Variants in BBOF1 observed in about 807,000 individuals in gnomAD.
The protein encoded by BBOF1 is basal body-orientation factor 1.
A neutral mutation model predicts 68.0 loss-of-function variants in BBOF1; 62 were observed. That is an observed-to-expected ratio of 0.91 (90% CI 0.74 to 1.13). BBOF1 has a LOEUF of 1.13. BBOF1 is among the 50% of genes most tolerant of loss of function. The pLI is 0.00. For missense variants in BBOF1, 534 were observed against 600.1 expected, an observed-to-expected ratio of 0.89 and a Z score of 1.15; for synonymous variants, 208 against 198.8, an observed-to-expected ratio of 1.05 and a Z score of -0.39.
rs71460945 is a variant in BBOF1 at position 74,035,584 on chromosome 14, A to ATTTTTTTTT, written c.495+1433_495+1441dup. 1.1e-3 allele frequency among the ~76,000 whole-genome samples: 93 copies of ATTTTTTTTT among 81,392 alleles called. 6 individuals carry two copies. Among genetic ancestry groups the ATTTTTTTTT allele is most frequent in the African/African-American group, 5.3e-3 (83 of 15,658 alleles). The allele number at this position is 81,392 out of a possible 152,430, so 53.4% of individuals were successfully genotyped here. ...AGGCGTGCACCACCACCCCCAGCTA[A>ATTTTTTTTT]TTTTTTTTTTTTTTTTTTTTTTTTT... is the stretch of plus-strand genomic sequence containing the variant. On this transcript the variant is annotated intron_variant, in intron 4 of 11. Transcript: ENST00000394009.
At chr14:74,057,892 T>A in intron 11 of BBOF1, 2 of 999,156 alleles carry the variant, frequency 2.0e-6, no homozygotes, top group Non-Finnish European at 2.4e-6. Context: ...ACAGTTCTGA[T>A]TAGTGTGTTT....
At chr14:74,067,129 A>C (rs1352658218), downstream of BBOF1, among the ~76,000 whole-genome samples, 1 of 152,138 alleles carries the variant, frequency 6.6e-6, no homozygotes, top group Non-Finnish European at 1.5e-5. Flanking sequence ...CAGGAGGATC[A>C]CTTGAGCCCA....
Position 74,066,053 on chromosome 14 carries a change from A to G in BBOF1, c.*1354A>G, listed in dbSNP as rs1045477023. 1 of 154,968 alleles carries G rather than the reference A, an allele frequency of 6.5e-6. No homozygotes were observed. The highest frequency in any genetic ancestry group is 6.3e-5 in the Admixed American group (1 of 15,790). 9.6% of individuals were successfully genotyped at this position (154,968 alleles called of 1,614,324 possible). On this transcript the variant is annotated 3_prime_UTR_variant, in exon 12 of 12. Transcript: ENST00000394009. ...CAATTTTTAAGTCATGTTAGCTGAGAGACTTTCAAAGTTTTGATAAATAAA... is the reference window on the plus strand; with the variant it reads ...CAATTTTTAAGTCATGTTAGCTGAGGGACTTTCAAAGTTTTGATAAATAAA...
chr14:74,038,213 C>T (rs147336496), intron 4 of BBOF1, among the ~76,000 whole-genome samples: 1 of 152,088 alleles, frequency 6.6e-6, no homozygotes, highest in African/African-American at 2.4e-5. Flanking sequence ...AAATGCTGAG[C>T]GGGTCTTTTG....
At chr14:74,064,285 G>A (rs1158090072) in intron 11 of BBOF1, among the ~76,000 whole-genome samples, 6 of 140,062 alleles carry the variant, frequency 4.3e-5, no homozygotes, top group East Asian at 4.5e-4. Context: ...GCAACAGAGC[G>A]AGACTGTGTC....
At chr14:74,029,360 A>G (rs2059509531) in intron 3 of BBOF1, 111 bp downstream of exon 3, 1 of 655,938 alleles carries the variant, frequency 1.5e-6, no homozygotes, top group Non-Finnish European at 2.7e-6. Flanking sequence ...TGGGCAGGCT[A>G]ATGACCTTAA....
At chr14:74,066,343 G>A (rs2060464658), downstream of BBOF1, among the ~76,000 whole-genome samples, 1 of 152,110 alleles carries the variant, frequency 6.6e-6, no homozygotes, top group African/African-American at 2.4e-5. Context: ...TATATAAAAT[G>A]ATATGAAATT....
At chr14:74,079,701 G>T (rs2060652496) in intron 10 of BBOF1, among the ~76,000 whole-genome samples, 2 of 152,068 alleles carry the variant, frequency 1.3e-5, no homozygotes, top group African/African-American at 4.8e-5. Context: ...CAAAGTGCTG[G>T]GATTACAGGC....
chr14:74,070,737 AAAT>A (rs1245708259), downstream of BBOF1: 1 of 176,150 alleles, frequency 5.7e-6, no homozygotes, highest in Admixed American at 5.6e-5. Flanking sequence ...CAAAATGGAA[AAAT>A]AATACCTACC....
Position 74,050,184 on chromosome 14 carries a change from G to A in BBOF1, c.1275G>A (p.Glu425=). The part of the protein sequence containing the change: ...STNSVNQDLL[E]AEKWTHIEGN... ...ATAGTGTGAATCAGGATCTTCTGGAGGCCGAAAAATGGTACTAGCAATACT... is the reference window on the plus strand; with the variant it reads ...ATAGTGTGAATCAGGATCTTCTGGAAGCCGAAAAATGGTACTAGCAATACT... Residue 425 remains glutamate, a synonymous_variant, in exon 8 of 12, where the codon GAG becomes GAA. Transcript: ENST00000394009. 1 of 1,539,184 alleles carries A rather than the reference G, an allele frequency of 6.5e-7. No individual in the cohort carries two copies. Among genetic ancestry groups the A allele is most frequent in the South Asian group, 1.3e-5 (1 of 78,220 alleles).
chr14:74,022,789 A>C (rs2059332451), intron 1 of BBOF1, 127 bp from the exon 2 acceptor site: 1 of 415,070 alleles, frequency 2.4e-6, no homozygotes, highest in Non-Finnish European at 4.3e-6. Flanking sequence ...CATGTGTGCC[A>C]GGCAATGCCA....
intron 9 of BBOF1, among the ~76,000 whole-genome samples, chr14:74,073,567 T>G (rs1002419864): frequency 6.6e-6 from 1 of 152,222 alleles, no homozygotes. Context: ...TTAGCTATTA[T>G]GACTTTTTGG....
At chr14:74,067,555 A>G (rs1273170385), downstream of BBOF1, 1 of 1,613,968 alleles carries the variant, frequency 6.2e-7, no homozygotes, top group Admixed American at 1.7e-5. Flanking sequence ...TGACTACCCC[A>G]TGGTTCTTGG....
At chr14:74,074,937 T>A (rs2060595658) in intron 9 of BBOF1, 1 of 1,612,790 alleles carries the variant, frequency 6.2e-7, no homozygotes. Flanking sequence ...AGTCAACCTC[T>A]ATGCCAAATA....
chr14:74,023,389 A>G (rs1214273377), intron 2 of BBOF1, among the ~76,000 whole-genome samples: 2 of 152,178 alleles, frequency 1.3e-5, no homozygotes, highest in Non-Finnish European at 1.5e-5. Context: ...TGATGATCAT[A>G]AGGGAACTTT....
rs1159343743 is a variant in BBOF1, at chr14:74,078,261, C to T, written n.1445C>T. 6 of 455,842 alleles carry T rather than the reference C, an allele frequency of 1.3e-5. No homozygotes were observed. The East Asian group carries it at 4.2e-4, about 32-fold the overall frequency. 28.2% of individuals were successfully genotyped at this position (455,842 alleles called of 1,614,324 possible). A position where few individuals can be genotyped will look rare whatever the true frequency, so the allele number is the denominator to read the frequency against. ...ACTAGCAAACCTACAAAACTGAACT[C>T]AACCTAATGGAGAAGGTAGCCAGCA... On this transcript the variant is annotated non_coding_transcript_exon_variant, in exon 10 of 13. Transcript: ENST00000492026.
Position 74,062,900 on chromosome 14 carries a change from T to C in BBOF1, c.1579-1788T>C, listed in dbSNP as rs1477646303. Reference sequence around the variant, plus strand: ...TTCAAAATGGCTCTAGTCCTATGACTAGAAAGAACTTCCCCTAGCCTATTT... The same window carrying C: ...TTCAAAATGGCTCTAGTCCTATGACCAGAAAGAACTTCCCCTAGCCTATTT... On this transcript the variant is annotated intron_variant, in intron 11 of 11. Coordinates refer to ENST00000394009, the MANE Select transcript of BBOF1 (RefSeq NM_025057.3). Among the ~76,000 whole-genome samples, 8 of 152,314 alleles carry C rather than the reference T, an allele frequency of 5.3e-5. No homozygotes were observed. In the East Asian group the frequency reaches 1.5e-3, roughly 29 times the overall value.
chr14:74,071,324 C>T, intron 9 of BBOF1: 1 of 1,614,162 alleles, frequency 6.2e-7, no homozygotes, highest in Non-Finnish European at 8.5e-7. Context: ...TTTCCACACA[C>T]CATGGCCATG....
At chr14:74,023,822 A>C (rs2059358866) in intron 2 of BBOF1, among the ~76,000 whole-genome samples, 1 of 150,520 alleles carries the variant, frequency 6.6e-6, no homozygotes. Context: ...AGGCTGAGGC[A>C]GGAGAATTGC....
Sources: gnomAD v4.1 joint callset for allele counts (sites outside exome capture counted in the v4.1 genomes callset) on GRCh38, gnomAD v4.1.1 for gene constraint, MANE v1.5 for transcripts, NCBI Gene and HGNC (gene_info 2026-07-23, HGNC 2026-07-21) for gene names.